The following PDK3 variants were observed in gnomAD, a reference collection of about 807,000 sequenced individuals.
PDK3 encodes the protein pyruvate dehydrogenase kinase 3, also known as pyruvate dehydrogenase kinase, isozyme 3.
A neutral mutation model predicts 32.0 loss-of-function variants in PDK3; 12 were observed. That is an observed-to-expected ratio of 0.37 (90% CI 0.24 to 0.61). PDK3 has a LOEUF of 0.61. Ranked by LOEUF, PDK3 falls within the 20% of genes least tolerant of loss-of-function variation. The pLI is 0.65. For missense variants in PDK3, 188 were observed against 316.9 expected (o/e 0.59, Z 3.09); for synonymous variants, 122 against 116.3 (o/e 1.05, Z -0.31).
chrX:24,529,912 T>C (rs918459946), intron 9 of PDK3, among the ~76,000 whole-genome samples: 4 of 112,325 alleles, frequency 3.6e-5, no homozygotes, highest in Non-Finnish European at 7.5e-5. Flanking sequence ...CATTTCTGTT[T>C]GAGAATATCC....
At chrX:24,507,917 C>G (rs1457860897) in intron 5 of PDK3, among the ~76,000 whole-genome samples, 2 of 111,137 alleles carry the variant, frequency 1.8e-5, no homozygotes, top group Non-Finnish European at 3.8e-5. Flanking sequence ...GTGAAAAGGA[C>G]TGGGCATTTG....
intron 1 of PDK3, among the ~76,000 whole-genome samples, chrX:24,478,234 C>T (rs1025739780): frequency 4.5e-5 from 5 of 110,959 alleles, no homozygotes; most frequent in Non-Finnish European, 9.4e-5. Context: ...CACTTGAGGT[C>T]AGGAGTTCGA....
Position 24,527,694 on chromosome X carries a change from T to C in PDK3, c.852+19T>C, listed in dbSNP as rs1351267323. The C allele has an allele frequency of 1.2e-6, 1 of 861,686 alleles. No individual in the cohort carries two copies. The highest frequency in any genetic ancestry group is 2.0e-5 in the African/African-American group (1 of 49,508). The allele number at this position is 861,686 out of a possible 1,213,427, so 71.0% of individuals were successfully genotyped here. A position where few individuals can be genotyped will look rare whatever the true frequency, so the allele number is the denominator to read the frequency against. On this transcript the variant is annotated intron_variant, in intron 8 of 10. Transcript: ENST00000379162. ...CATTAAGGTAACTGTTTTATGTGCA[T>C]GTATACTTTAATTATCAGTTGTGAT...
At chrX:24,549,036 C>T (rs1022684296) in exon 12 of PDK3, 4 of 111,683 alleles carry the variant, frequency 3.6e-5, no homozygotes, top group African/African-American at 1.3e-4. Context: ...CAGGAAAAAC[C>T]GACTTATGCC....
At chrX:24,467,661 T>G (rs1413158862) in intron 1 of PDK3, among the ~76,000 whole-genome samples, 2 of 112,351 alleles carry the variant, frequency 1.8e-5, no homozygotes, top group Admixed American at 1.9e-4. Flanking sequence ...ACTTTTCTCT[T>G]AGTTCTGTCT....
intron 1 of PDK3, among the ~76,000 whole-genome samples, chrX:24,466,371 A>G (rs1328325140): frequency 8.9e-6 from 1 of 112,151 alleles, no homozygotes; most frequent in Non-Finnish European, 1.9e-5. Context: ...AAAACGAAGG[A>G]GCTGGTTGTG....
At chrX:24,485,873 C>T (rs1464686975) in intron 1 of PDK3, among the ~76,000 whole-genome samples, 2 of 111,444 alleles carry the variant, frequency 1.8e-5, no homozygotes, top group Non-Finnish European at 3.8e-5. Flanking sequence ...GATCACCACA[C>T]GTCTGAGGGA....
intron 10 of PDK3, among the ~76,000 whole-genome samples, 165 bp from the exon 11 acceptor site, chrX:24,533,764 G>A (rs1402067575): frequency 8.9e-6 from 1 of 111,936 alleles, no homozygotes; most frequent in Non-Finnish European, 1.9e-5. Flanking sequence ...AAGCTTTAAT[G>A]TTTTCCTGGC....
At chrX:24,517,046 T>A (rs1241012763) in intron 5 of PDK3, among the ~76,000 whole-genome samples, 1 of 110,609 alleles carries the variant, frequency 9.0e-6, no homozygotes, top group Admixed American at 9.7e-5. Flanking sequence ...TCCCCCTGCC[T>A]CGGCCTCCCA....
intron 9 of PDK3, among the ~76,000 whole-genome samples, chrX:24,530,569 A>G (rs770298725): frequency 7.2e-5 from 8 of 111,309 alleles, no homozygotes; most frequent in Non-Finnish European, 1.5e-4. Flanking sequence ...GTCTGAGTCT[A>G]AGGCCCATGT....
At chrX:24,471,325 G>C (rs1457335411) in intron 1 of PDK3, among the ~76,000 whole-genome samples, 1 of 112,453 alleles carries the variant, frequency 8.9e-6, no homozygotes, top group Admixed American at 9.4e-5. Flanking sequence ...TAGCTCTTCT[G>C]TGTCTTCAGG....
intron 1 of PDK3, among the ~76,000 whole-genome samples, chrX:24,474,383 T>TTTTTTTTATTTATTTA (rs367964670): frequency 5.4e-4 from 52 of 96,806 alleles, no homozygotes; most frequent in African/African-American, 1.9e-3. Flanking sequence ...TATAAGTTTA[T>TTTTTTTTATTTATTTA]TTTATTTATT....
At chrX:24,482,693 A>G (rs1446378349) in intron 1 of PDK3, among the ~76,000 whole-genome samples, 2 of 112,137 alleles carry the variant, frequency 1.8e-5, no homozygotes, top group Admixed American at 1.9e-4. Flanking sequence ...TACCTACTCC[A>G]CTTACTTACA....
downstream of PDK3, among the ~76,000 whole-genome samples, chrX:24,535,520 AAAGAAG>A (rs1202108884): frequency 1.6e-4 from 16 of 100,010 alleles, no homozygotes; most frequent in Admixed American, 4.5e-4. Context: ...AAAAAAAAAA[AAAGAAG>A]AAGAAGAAGA....
At chrX:24,474,414 T>TATTTATTTATTC (rs1921056069) in intron 1 of PDK3, among the ~76,000 whole-genome samples, 1 of 107,271 alleles carries the variant, frequency 9.3e-6, no homozygotes, top group Non-Finnish European at 1.9e-5. Flanking sequence ...TTTATTTATT[T>TATTTATTTATTC]ATTTATTTAT....
chrX:24,529,686 G>A (rs1922602642), intron 9 of PDK3, among the ~76,000 whole-genome samples: 1 of 108,607 alleles, frequency 9.2e-6, no homozygotes, highest in Non-Finnish European at 1.9e-5. Flanking sequence ...TTGAACCTGG[G>A]AGGTGGAGAT....
intron 7 of PDK3, 124 bp downstream of exon 7, chrX:24,526,398 T>G (rs1194693899): frequency 2.2e-6 from 1 of 447,836 alleles, no homozygotes; most frequent in Non-Finnish European, 3.8e-6. Flanking sequence ...AAAATTCTAT[T>G]TCTGATATCC....
chrX:24,491,465 G>A (rs1921558857), intron 1 of PDK3, among the ~76,000 whole-genome samples: 1 of 110,202 alleles, frequency 9.1e-6, no homozygotes, highest in Non-Finnish European at 1.9e-5. Flanking sequence ...GTGGGTCAAT[G>A]GGTGGAAAGT....
intron 1 of PDK3, among the ~76,000 whole-genome samples, chrX:24,477,005 T>G (rs760280005): frequency 6.2e-5 from 7 of 112,365 alleles, no homozygotes; most frequent in Non-Finnish European, 9.4e-5. Flanking sequence ...GGTAAAGCTC[T>G]GTTTCTCCTG....
Sources: allele counts gnomAD v4.1 joint callset (sites outside exome capture counted in the v4.1 genomes callset), GRCh38; gene constraint gnomAD v4.1.1; transcripts MANE v1.5; gene names NCBI Gene and HGNC (gene_info 2026-07-23, HGNC 2026-07-21).